Variants in PACS1 observed in about 807,000 individuals in gnomAD.
PACS1 encodes phosphofurin acidic cluster sorting protein 1, also known as PACS-1.
Under a neutral mutation model 115.0 loss-of-function variants are expected in PACS1, and 24 were observed. That is an observed-to-expected ratio of 0.21 (90% CI 0.15 to 0.29). PACS1 has a LOEUF of 0.29. Among genes scored for constraint, PACS1 ranks in the 10% least tolerant of loss-of-function variants. The pLI, the probability that PACS1 is intolerant of heterozygous loss-of-function variation, is 1.00. For synonymous variants in PACS1, 453 were observed against 504.5 expected (o/e 0.90, Z 1.37); for missense variants, 838 against 1,251.2 (o/e 0.67, Z 4.98).
intron 19 of PACS1, 98 bp from the exon 20 acceptor site, chr11:66,238,706 G>T (rs780690212): frequency 2.0e-5 from 22 of 1,099,416 alleles, no homozygotes; most frequent in Non-Finnish European, 2.9e-5. Context: ...AAAATAATGT[G>T]TAGTGATGGC....
chr11:66,150,912 A>G (rs1459400145), intron 1 of PACS1, among the ~76,000 whole-genome samples: 1 of 152,208 alleles, frequency 6.6e-6, no homozygotes, highest in Non-Finnish European at 1.5e-5. Context: ...GAGGTTATGC[A>G]TCAGTACCCA....
chr11:66,172,081 G>T (rs1335190884), intron 1 of PACS1, among the ~76,000 whole-genome samples: 2 of 152,170 alleles, frequency 1.3e-5, no homozygotes, highest in Admixed American at 1.3e-4. Context: ...TTTACTGTGC[G>T]TAAATCAGAC....
intron 21 of PACS1, among the ~76,000 whole-genome samples, chr11:66,240,186 G>T (rs146903685): frequency 6.6e-6 from 1 of 152,222 alleles, no homozygotes; most frequent in African/African-American, 2.4e-5. Context: ...GGGAGCAAGC[G>T]GCGGAGCTCG....
At chr11:66,169,172 G>A (rs1160072308) in intron 1 of PACS1, among the ~76,000 whole-genome samples, 2 of 150,506 alleles carry the variant, frequency 1.3e-5, no homozygotes, top group African/African-American at 5.0e-5. Context: ...AGTGTTTGCT[G>A]TAGATTTCTG....
intron 1 of PACS1, among the ~76,000 whole-genome samples, chr11:66,142,173 G>A (rs972629075): frequency 1.3e-5 from 2 of 152,008 alleles, no homozygotes; most frequent in Non-Finnish European, 2.9e-5. Flanking sequence ...CTCTTGCCCC[G>A]GCTCCCAGAG....
Position 66,210,465 on chromosome 11 carries a change from A to C in PACS1, c.534+14A>C. 1 of 1,563,284 alleles carries C rather than the reference A, an allele frequency of 6.4e-7. No individual in the cohort carries two copies. The highest frequency in any genetic ancestry group is 8.8e-7 in the Non-Finnish European group (1 of 1,133,666). On this transcript the variant is annotated intron_variant, in intron 3 of 23. Coordinates refer to ENST00000320580, the MANE Select transcript of PACS1 (RefSeq NM_018026.4). ...TTCTCCCTTCAGGTGAGACTCTCCT[A>C]ATCTTAGGCCCCTAACATGCTATAT...
intron 7 of PACS1, chr11:66,217,837 T>G (rs1394359134): frequency 3.4e-6 from 1 of 290,366 alleles, no homozygotes; most frequent in South Asian, 2.8e-5. Flanking sequence ...GCTGAGGCTT[T>G]CTTTTTCCTG....
At chr11:66,124,102 C>G (rs1858515782) in intron 1 of PACS1, among the ~76,000 whole-genome samples, 1 of 152,202 alleles carries the variant, frequency 6.6e-6, no homozygotes, top group African/African-American at 2.4e-5. Context: ...TGTTTCAGGC[C>G]ATGGGCATTC....
chr11:66,134,150 C>T (rs986411190), intron 1 of PACS1, among the ~76,000 whole-genome samples: 6 of 151,342 alleles, frequency 4.0e-5, no homozygotes, highest in Admixed American at 3.3e-4. Flanking sequence ...TCCCCTTGTG[C>T]GGAGTCCACT....
chr11:66,232,943 C>G lies in PACS1; in HGVS notation c.1732-17C>G. 6.3e-7 allele frequency: 1 copy of G among 1,589,642 alleles called. No homozygotes were observed. The highest frequency in any genetic ancestry group is 8.6e-7 in the Non-Finnish European group (1 of 1,158,966). On this transcript the variant is annotated splice_polypyrimidine_tract_variant and intron_variant, in intron 14 of 23. Transcript: ENST00000320580. ...TGTTCTCACCTGTGTCCCTGCTCTC[C>G]TCCCTCCCTATCCCAGTATGTGGCT...
At chr11:66,142,685 C>A (rs1188634179) in intron 1 of PACS1, among the ~76,000 whole-genome samples, 1 of 150,086 alleles carries the variant, frequency 6.7e-6, no homozygotes, top group East Asian at 1.9e-4. Context: ...TTAGAACTTT[C>A]AATTTAAGCT....
At chr11:66,191,640 C>T (rs552304098) in intron 1 of PACS1, among the ~76,000 whole-genome samples, 1 of 152,312 alleles carries the variant, frequency 6.6e-6, no homozygotes, top group African/African-American at 2.4e-5. Context: ...ACCTGATAAG[C>T]TTTCATACAT....
Position 66,220,625 on chromosome 11 carries a change from C to T in PACS1, c.1039-6C>T. 2 of 1,612,824 alleles carry T rather than the reference C, an allele frequency of 1.2e-6. No homozygotes were observed. The highest frequency in any genetic ancestry group is 1.7e-6 in the Non-Finnish European group (2 of 1,179,642). On this transcript the variant is annotated splice_region_variant and splice_polypyrimidine_tract_variant and intron_variant, in intron 8 of 23. Coordinates refer to ENST00000320580, the MANE Select transcript of PACS1 (RefSeq NM_018026.4). ...CCTAAATTCAGAGACTCCTTTTTCC[C>T]TGCAGGTGGGCTTTGGGCTGGAGCA...
At chr11:66,227,677 A>G in intron 11 of PACS1, 93 bp downstream of exon 11, 2 of 750,162 alleles carry the variant, frequency 2.7e-6, no homozygotes, top group Non-Finnish European at 4.5e-6. Context: ...CCACCATAGA[A>G]ATTTCACCTA....
At chr11:66,084,957 C>G (rs1313038084) in intron 1 of PACS1, among the ~76,000 whole-genome samples, 2 of 152,052 alleles carry the variant, frequency 1.3e-5, no homozygotes, top group Non-Finnish European at 2.9e-5. Context: ...ATGCTTTAGG[C>G]CACAGTGATG....
intron 11 of PACS1, among the ~76,000 whole-genome samples, chr11:66,227,943 C>T (rs1039621617): frequency 2.6e-5 from 4 of 152,168 alleles, no homozygotes; most frequent in Non-Finnish European, 2.9e-5. Context: ...CAACCCACAA[C>T]ATTCAGTCTC....
intron 21 of PACS1, 110 bp downstream of exon 21, chr11:66,239,387 G>A (rs773032930): frequency 3.1e-6 from 4 of 1,309,022 alleles, no homozygotes; most frequent in Non-Finnish European, 4.1e-6. Flanking sequence ...GCCGGGCGTG[G>A]TAGTGCACAC....
At chr11:66,208,957 T>C (rs1177177912) in intron 2 of PACS1, among the ~76,000 whole-genome samples, 2 of 152,182 alleles carry the variant, frequency 1.3e-5, no homozygotes, top group African/African-American at 4.8e-5. Flanking sequence ...TGGTATTAAT[T>C]TTAAAACTGA....
chr11:66,075,470 G>T (rs1198044680), intron 1 of PACS1, among the ~76,000 whole-genome samples: 3 of 152,098 alleles, frequency 2.0e-5, no homozygotes, highest in Non-Finnish European at 2.9e-5. Flanking sequence ...TCGAACTCCT[G>T]GGCTCAAGTG....
Sources: gnomAD v4.1 joint callset for allele counts (sites outside exome capture counted in the v4.1 genomes callset) on GRCh38, gnomAD v4.1.1 for gene constraint, MANE v1.5 for transcripts, NCBI Gene and HGNC (gene_info 2026-07-23, HGNC 2026-07-21) for gene names.